Variants in CHD5 observed in about 807,000 individuals in gnomAD.
CHD5 encodes the protein ATP-dependent chromatin remodeler CHD5.
CHD5 carries 69 observed loss-of-function variants against 230.3 expected under a neutral mutation model. The observed-to-expected ratio is 0.30, with a 90% CI of 0.25 to 0.37. CHD5 has a LOEUF of 0.37. Ranked by LOEUF, CHD5 falls within the 10% of genes least tolerant of loss-of-function variation. CHD5 has a pLI of 1.00. For synonymous variants in CHD5, 1,064 were observed against 1,065.9 expected (o/e 1.00, Z 0.03); for missense variants, 1,827 against 2,622.8 (o/e 0.70, Z 6.63).
chr1:6,112,821 TG>T, intron 34 of CHD5, 87 bp downstream of exon 34: 1 of 981,714 alleles, frequency 1.0e-6, no homozygotes, highest in Non-Finnish European at 1.6e-6. Context: ...GGACGGCGCC[TG>T]GGAGACTGTG....
At chr1:6,169,781 C>T (rs1402026403) in intron 1 of CHD5, among the ~76,000 whole-genome samples, 4 of 152,158 alleles carry the variant, frequency 2.6e-5, no homozygotes, top group East Asian at 1.9e-4. Context: ...GCGGCCCCAG[C>T]GCCCCAGCCA....
Position 6,128,722 on chromosome 1 carries a change from G to T in CHD5, c.3620-113C>A. The T allele has an allele frequency of 8.0e-7, 1 of 1,245,294 alleles. No individual in the cohort carries two copies. The highest frequency in any genetic ancestry group is 1.2e-6 in the Non-Finnish European group (1 of 866,880). 77.1% of individuals were successfully genotyped at this position (1,245,294 alleles called of 1,614,324 possible). On this transcript the variant is annotated intron_variant, in intron 23 of 41. Transcript: ENST00000262450. The surrounding 1 kb of genome is among the most constrained non-coding windows in gnomAD (Gnocchi z 7.8). The stretch of plus-strand genomic sequence containing the variant: ...GTCCTAGCCAGGAGATACAGGTGGG[G>T]GGTGCAGAAGAGAGGCTGTGTGTTG...
chr1:6,165,858 C>A (rs1457352601), intron 2 of CHD5, among the ~76,000 whole-genome samples: 6 of 152,106 alleles, frequency 3.9e-5, no homozygotes, highest in African/African-American at 1.4e-4. Context: ...CCTATCTCCA[C>A]TTCCCCATCA....
Position 6,142,565 on chromosome 1 carries a change from G to A in CHD5, c.2084C>T (p.Ser695Phe). 1.2e-6 allele frequency: 2 copies of A among 1,613,942 alleles called. No homozygotes were observed. The highest frequency in any genetic ancestry group is 1.7e-6 in the Non-Finnish European group (2 of 1,180,016). Residue 695 changes from serine to phenylalanine, a missense_variant, in exon 14 of 42, where the codon TCC becomes TTC. Ser to Phe is a radical substitution (Grantham distance 155). Transcript: ENST00000262450. This position sits in a 1 kb window ranked among gnomAD's most constrained non-coding sequence, Gnocchi z 5.2. ...KFDKQPWYIDSTGGTLHPYQL... is the reference protein window; with the variant it reads ...KFDKQPWYIDFTGGTLHPYQL... ...GTACGGGTGCAGTGTGCCGCCTGTGGAGTCGATGTACCATGGCTGCTTGTC... is the reference window on the plus strand; with the variant it reads ...GTACGGGTGCAGTGTGCCGCCTGTGAAGTCGATGTACCATGGCTGCTTGTC...
rs367802089 is a variant in CHD5 at position 6,106,859 on chromosome 1, G to A, written c.5579-80C>T. Reference sequence around the variant, plus strand: ...GGAGGAGTGGAAGGATGGAGGGATGGAGGGGTGGAGGGGTGGAGGGGTGGA... The same window carrying A: ...GGAGGAGTGGAAGGATGGAGGGATGAAGGGGTGGAGGGGTGGAGGGGTGGA... On this transcript the variant is annotated intron_variant, in intron 38 of 41. Transcript: ENST00000262450. The A allele has an allele frequency of 1.7e-3, 1,238 of 713,922 alleles. 19 individuals are homozygous for A. The highest frequency in any genetic ancestry group is 0.014 in the East Asian group (369 of 26,466). The allele number at this position is 713,922 out of a possible 1,614,324, so 44.2% of individuals were successfully genotyped here.
rs1264425897 is a variant in CHD5, at chr1:6,129,215, C to G, written c.3388-146G>C. The stretch of plus-strand genomic sequence containing the variant: ...GGTGCGTCCAGGTGTGTGGAGCCCA[C>G]CACTGCAGCTGGGCTCCCTCCCTGA... On this transcript the variant is annotated intron_variant, in intron 22 of 41. Transcript: ENST00000262450. The surrounding 1 kb of genome is among the most constrained non-coding windows in gnomAD (Gnocchi z 6.8). 2 of 620,146 alleles carry G rather than the reference C, an allele frequency of 3.2e-6. No individual in the cohort carries two copies. The highest frequency in any genetic ancestry group is 5.5e-5 in the East Asian group (2 of 36,044). The allele number at this position is 620,146 out of a possible 1,614,324, so 38.4% of individuals were successfully genotyped here. A position where few individuals can be genotyped will look rare whatever the true frequency, so the allele number is the denominator to read the frequency against.
intron 29 of CHD5, 117 bp downstream of exon 29, chr1:6,124,983 T>G: frequency 8.7e-7 from 1 of 1,152,626 alleles, no homozygotes; most frequent in Non-Finnish European, 1.2e-6. Context: ...CAGTGAACTT[T>G]CCAGACGGCC....
At chr1:6,138,583 C>T (rs1261702540) in intron 15 of CHD5, among the ~76,000 whole-genome samples, 2 of 152,212 alleles carry the variant, frequency 1.3e-5, no homozygotes, top group African/African-American at 4.8e-5. Context: ...CCGAGGATGC[C>T]GTGCAGCATA....
rs2235790 is a variant in CHD5 at position 6,131,572 on chromosome 1, C to G, written c.3262+59G>C. On this transcript the variant is annotated intron_variant, in intron 21 of 41. Transcript: ENST00000262450. This position sits in a 1 kb window ranked among gnomAD's most constrained non-coding sequence, Gnocchi z 5.0. Reference sequence around the variant, plus strand: ...CTGGGTGACCTGGCTAAGAACCAGGCCTGGGAGAAGAGGCCAAAAAGGAGT... The same window carrying G: ...CTGGGTGACCTGGCTAAGAACCAGGGCTGGGAGAAGAGGCCAAAAAGGAGT... 9 of 1,015,502 alleles carry G rather than the reference C, an allele frequency of 8.9e-6. No homozygotes were observed. Among genetic ancestry groups the G allele is most frequent in the South Asian group, 1.3e-5 (1 of 74,266 alleles). 62.9% of individuals were successfully genotyped at this position (1,015,502 alleles called of 1,614,324 possible).
intron 2 of CHD5, among the ~76,000 whole-genome samples, chr1:6,160,703 C>A (rs1234293262): frequency 6.6e-6 from 1 of 152,272 alleles, no homozygotes; most frequent in African/African-American, 2.4e-5. Context: ...CCTCTCCCAC[C>A]CCATCCTGGC....
rs1667068426 is a variant in CHD5, at chr1:6,155,606, A to G, written c.499T>C (p.Phe167Leu). 6.2e-7 allele frequency: 1 copy of G among 1,613,538 alleles called. No homozygotes were observed. Among genetic ancestry groups the G allele is most frequent in the Non-Finnish European group, 8.5e-7 (1 of 1,179,618 alleles). Residue 167 changes from phenylalanine (F) to leucine (L), a missense_variant, in exon 4 of 42, where the codon TTC becomes CTC. Around this residue, in one of 14 missense-constraint regions of CHD5, gnomAD observed 657 missense variants for 816.4 expected, o/e 0.80. Transcript: ENST00000262450. This position sits in a 1 kb window ranked among gnomAD's most constrained non-coding sequence, Gnocchi z 4.0. ...TLTNYKAFSQ[F>L]LRPLIAKKNP... ...CCCTAGTGCCCCGCCCACCTGAGGA[A>G]CTGGCTGAAGGCCTTGTAGTTGGTC...
chr1:6,156,727 G>A (rs1329919647), intron 3 of CHD5, among the ~76,000 whole-genome samples: 1 of 152,144 alleles, frequency 6.6e-6, no homozygotes, highest in East Asian at 1.9e-4. Context: ...TGAGGCCTGG[G>A]GTGGAGGGAC....
At chr1:6,127,858 G>C (rs1006848131) in intron 25 of CHD5, among the ~76,000 whole-genome samples, 188 bp downstream of exon 25, 5 of 152,214 alleles carry the variant, frequency 3.3e-5, no homozygotes, top group African/African-American at 1.2e-4. Context: ...GTGGTTGGAG[G>C]GCGGAGCACA....
intron 33 of CHD5, among the ~76,000 whole-genome samples, chr1:6,116,921 A>G (rs754701633): frequency 1.3e-5 from 2 of 152,250 alleles, no homozygotes; most frequent in African/African-American, 4.8e-5. Flanking sequence ...CAAATTTGGG[A>G]AAGTAAAAAC....
In CHD5 at chr1:6,125,898, C is replaced by T; in HGVS notation, c.4079-40G>A. 1.3e-6 allele frequency: 2 copies of T among 1,486,792 alleles called. No individual in the cohort carries two copies. Among genetic ancestry groups the T allele is most frequent in the South Asian group, 2.3e-5 (2 of 88,536 alleles). 92.1% of individuals were successfully genotyped at this position (1,486,792 alleles called of 1,614,324 possible). ...ACAGAGGGGCACGGAGTGAGCTGTACAAGCAAAGCCCACCCTCAAGTTCAA... is the reference window on the plus strand; with the variant it reads ...ACAGAGGGGCACGGAGTGAGCTGTATAAGCAAAGCCCACCCTCAAGTTCAA... On this transcript the variant is annotated intron_variant, in intron 26 of 41. Transcript: ENST00000262450. The surrounding 1 kb of genome is among the most constrained non-coding windows in gnomAD (Gnocchi z 6.7).
intron 1 of CHD5, among the ~76,000 whole-genome samples, chr1:6,176,244 C>T (rs1340299216): frequency 6.6e-6 from 1 of 152,164 alleles, no homozygotes; most frequent in African/African-American, 2.4e-5. Context: ...AATGTCATGG[C>T]CTTTTGGGAA....
chr1:6,112,773 CT>C, intron 34 of CHD5, 135 bp downstream of exon 34: 1 of 635,964 alleles, frequency 1.6e-6, no homozygotes. Context: ...TGAATCCAGG[CT>C]CCCACCTGCC....
In CHD5 at chr1:6,102,064, T is replaced by C; in HGVS notation, c.*3410A>G. 2.5e-6 allele frequency: 1 copy of C among 393,918 alleles called. No homozygotes were observed. The highest frequency in any genetic ancestry group is 5.1e-6 in the Non-Finnish European group (1 of 197,684). 24.4% of individuals were successfully genotyped at this position (393,918 alleles called of 1,614,324 possible). On this transcript the variant is annotated 3_prime_UTR_variant, in exon 42 of 42. Transcript: ENST00000262450. Reference sequence around the variant, plus strand: ...CTGGGGAAAGGGGTCGGCCCCCTCTTAGCTGGGCCTGGGCCGGTGGAGTCT... The same window carrying C: ...CTGGGGAAAGGGGTCGGCCCCCTCTCAGCTGGGCCTGGGCCGGTGGAGTCT...
Position 6,104,558 on chromosome 1 carries a change from C to G in CHD5, c.*916G>C, listed in dbSNP as rs1452420077. The G allele has an allele frequency of 6.6e-6, 1 of 152,284 alleles. No homozygotes were observed. The highest frequency in any genetic ancestry group is 1.5e-5 in the Non-Finnish European group (1 of 68,174). 9.4% of individuals were successfully genotyped at this position (152,284 alleles called of 1,614,324 possible). On this transcript the variant is annotated 3_prime_UTR_variant, in exon 42 of 42. Coordinates refer to ENST00000262450, the MANE Select transcript of CHD5 (RefSeq NM_015557.3). ...TTGCTGGGGCGCAGCTATCACTGCC[C>G]TTAACCACACCTCTGGCAGAAGGCA...
Sources: gnomAD v4.1 joint callset for allele counts (sites outside exome capture counted in the v4.1 genomes callset) on GRCh38, gnomAD v4.1.1 for gene constraint, gnomAD v4.1.1 regional missense constraint, Gnocchi (gnomAD v3.1) non-coding constraint, MANE v1.5 for transcripts, NCBI Gene and HGNC (gene_info 2026-07-23, HGNC 2026-07-21) for gene names.